The following COL25A1 variants were observed in gnomAD, a reference collection of about 807,000 sequenced individuals.
The protein encoded by COL25A1 is collagen alpha-1(XXV) chain.
In COL25A1, 103 loss-of-function variants were observed where a neutral mutation model predicts 128.4. The ratio of observed to expected loss-of-function variants is 0.80; its 90% CI spans 0.68 to 0.94. The LOEUF (loss-of-function observed/expected upper bound fraction) is 0.94, where lower values mean the gene tolerates loss of function less well. COL25A1 is among the 40% of genes least tolerant of loss of function. The probability of loss-of-function intolerance (pLI) is 0.00; values close to 1 mark genes in which losing one functional copy is unlikely to be tolerated. For missense variants in COL25A1, 745 were observed against 840.0 expected, an observed-to-expected ratio of 0.89 and a Z score of 1.40; for synonymous variants, 279 against 277.2, an observed-to-expected ratio of 1.01 and a Z score of -0.06.
chr4:109,069,171 C>T (rs1316364130), intron 3 of COL25A1, among the ~76,000 whole-genome samples: 6 of 144,734 alleles, frequency 4.1e-5, no homozygotes, highest in Non-Finnish European at 9.1e-5. Flanking sequence ...GCAGACTTGC[C>T]AAAAAAAAGG....
At position 109,159,431 on chromosome 4, in the gene COL25A1, C is replaced by T. The variant is rs571042327; in HGVS notation, c.368-109252G>A. Among the ~76,000 whole-genome samples the T allele has an allele frequency of 5.3e-5, 8 of 152,168 alleles. No individual in the cohort carries two copies. The East Asian group carries it at 9.7e-4, about 18-fold the overall frequency. On this transcript the variant is annotated intron_variant, in intron 3 of 37. Transcript: ENST00000399132. ...TTACTTCTCTTCACTACTGGAGACACGTATAAGAATACACATGACAGGGAA... is the reference window on the plus strand; with the variant it reads ...TTACTTCTCTTCACTACTGGAGACATGTATAAGAATACACATGACAGGGAA...
At chr4:108,896,571 A>C in intron 16 of COL25A1, 96 bp downstream of exon 16, 1 of 947,332 alleles carries the variant, frequency 1.1e-6, no homozygotes, top group Non-Finnish European at 1.7e-6. Context: ...ATATTAAGCA[A>C]CTCTCACTCA....
chr4:108,869,656 T>C (rs887706987), intron 19 of COL25A1, among the ~76,000 whole-genome samples: 12 of 152,208 alleles, frequency 7.9e-5, no homozygotes, highest in Admixed American at 7.9e-4. Context: ...ATATTTGGTG[T>C]TGGAAAATAC....
intron 13 of COL25A1, among the ~76,000 whole-genome samples, chr4:108,910,983 G>A (rs1008041985): frequency 2.6e-5 from 4 of 152,156 alleles, no homozygotes; most frequent in Admixed American, 2.6e-4. Flanking sequence ...CCTTGGCAAT[G>A]TGGCCTGGTG....
At chr4:109,253,700 T>G (rs1204772297) in intron 3 of COL25A1, among the ~76,000 whole-genome samples, 1 of 152,086 alleles carries the variant, frequency 6.6e-6, no homozygotes, top group Non-Finnish European at 1.5e-5. Context: ...AATCTAGGTG[T>G]TTTTTCCACC....
intron 3 of COL25A1, among the ~76,000 whole-genome samples, chr4:109,248,744 G>A (rs1362334682): frequency 3.9e-5 from 6 of 152,198 alleles, no homozygotes; most frequent in African/African-American, 1.4e-4. Flanking sequence ...TTAATGAGGG[G>A]TGGGTGAAAT....
chr4:108,928,183 T>C (rs1196254428), intron 11 of COL25A1, among the ~76,000 whole-genome samples: 1 of 152,216 alleles, frequency 6.6e-6, no homozygotes, highest in African/African-American at 2.4e-5. Flanking sequence ...CTACACTCAG[T>C]AAAAAATATT....
chr4:109,119,161 A>T (rs1337152974), intron 3 of COL25A1, among the ~76,000 whole-genome samples: 3 of 152,072 alleles, frequency 2.0e-5, no homozygotes, highest in East Asian at 3.9e-4. Flanking sequence ...TTTGAACTAA[A>T]TGAAAATAAA....
intron 26 of COL25A1, among the ~76,000 whole-genome samples, chr4:108,850,015 A>G (rs914262882): frequency 1.3e-5 from 2 of 152,138 alleles, no homozygotes; most frequent in Non-Finnish European, 2.9e-5. Context: ...ATTTTGCCAC[A>G]AACAAGTCTG....
chr4:109,135,654 T>A (rs1412559468), intron 3 of COL25A1, among the ~76,000 whole-genome samples: 1 of 151,716 alleles, frequency 6.6e-6, no homozygotes, highest in Non-Finnish European at 1.5e-5. Context: ...TGGAGCTTTT[T>A]TTTTCTTAAT....
At chr4:109,261,235 A>T (rs1781423975) in intron 3 of COL25A1, among the ~76,000 whole-genome samples, 1 of 152,148 alleles carries the variant, frequency 6.6e-6, no homozygotes, top group Non-Finnish European at 1.5e-5. Context: ...AAATATAAAG[A>T]AATTAGGCCA....
chr4:109,077,433 A>AC lies in COL25A1; in HGVS notation c.368-27255dup, dbSNP rs545220223. ...CCATCTATTGCCTCTTCCCACCACC[A>AC]CCCCCCCGCCCCCAACACTCCTGCT... On this transcript the variant is annotated intron_variant, in intron 3 of 37. Transcript: ENST00000399132. 2.6e-3 allele frequency among the ~76,000 whole-genome samples: 338 copies of AC among 131,786 alleles called. 2 individuals are homozygous for AC. Among genetic ancestry groups the AC allele is most frequent in the African/African-American group, 1.2e-3 (41 of 35,180 alleles). 86.5% of individuals were successfully genotyped at this position (131,786 alleles called of 152,430 possible). A position where few individuals can be genotyped will look rare whatever the true frequency, so the allele number is the denominator to read the frequency against.
At chr4:109,053,065 CA>C (rs555788417) in intron 3 of COL25A1, among the ~76,000 whole-genome samples, 18 of 152,114 alleles carry the variant, frequency 1.2e-4, no homozygotes, top group Non-Finnish European at 2.2e-4. Flanking sequence ...AGAGAAAAAA[CA>C]GAAGCTATCA....
intron 3 of COL25A1, among the ~76,000 whole-genome samples, chr4:109,218,048 T>C (rs964057195): frequency 6.6e-6 from 1 of 152,204 alleles, no homozygotes; most frequent in African/African-American, 2.4e-5. Flanking sequence ...CCTACACCTT[T>C]ATGCACTATT....
intron 16 of COL25A1, among the ~76,000 whole-genome samples, chr4:108,893,559 C>T (rs1287281872): frequency 1.3e-5 from 2 of 151,906 alleles, no homozygotes; most frequent in African/African-American, 4.8e-5. Context: ...TACAGTTCCA[C>T]AGTATTTCCA....
chr4:109,191,581 TA>T (rs779497309), intron 3 of COL25A1, among the ~76,000 whole-genome samples: 10 of 152,174 alleles, frequency 6.6e-5, no homozygotes, highest in Non-Finnish European at 1.3e-4. Context: ...CATCCGGCCT[TA>T]AGAGGAGCTA....
intron 16 of COL25A1, among the ~76,000 whole-genome samples, chr4:108,891,219 C>T (rs1741460928): frequency 1.3e-5 from 2 of 152,090 alleles, no homozygotes; most frequent in African/African-American, 2.4e-5. Flanking sequence ...GAAAAAAACG[C>T]TTATGAAAGA....
intron 6 of COL25A1, among the ~76,000 whole-genome samples, chr4:108,978,099 T>C (rs1396608284): frequency 6.6e-6 from 1 of 152,228 alleles, no homozygotes; most frequent in Admixed American, 6.5e-5. Context: ...TAGAGTTCTT[T>C]AGCCAACTTG....
At chr4:109,251,324 A>C (rs1160539895) in intron 3 of COL25A1, among the ~76,000 whole-genome samples, 3 of 152,148 alleles carry the variant, frequency 2.0e-5, no homozygotes, top group Non-Finnish European at 4.4e-5. Context: ...TTAGCTGACT[A>C]TGTTTCTTTA....
Sources: allele counts gnomAD v4.1 joint callset (sites outside exome capture counted in the v4.1 genomes callset), GRCh38; gene constraint gnomAD v4.1.1; transcripts MANE v1.5; gene names NCBI Gene and HGNC (gene_info 2026-07-23, HGNC 2026-07-21).